Variants in FAM98B observed in about 807,000 individuals in gnomAD.
FAM98B encodes the protein tRNA-splicing ligase complex subunit FAM98B.
Under a neutral mutation model 43.9 loss-of-function variants are expected in FAM98B, and 32 were observed. That is an observed-to-expected ratio of 0.73 (90% CI 0.55 to 0.98). The LOEUF (loss-of-function observed/expected upper bound fraction) is 0.98, where lower values mean the gene tolerates loss of function less well. Among genes scored for constraint, FAM98B ranks in the 50% least tolerant of loss-of-function variants. The pLI is 0.00. For synonymous variants in FAM98B, 190 were observed against 174.0 expected (o/e 1.09, Z -0.72); for missense variants, 514 against 522.9 (o/e 0.98, Z 0.17).
At chr15:38,478,997 T>G (rs1890245789) in intron 6 of FAM98B, among the ~76,000 whole-genome samples, 1 of 152,190 alleles carries the variant, frequency 6.6e-6, no homozygotes, top group South Asian at 2.1e-4. Flanking sequence ...AGTCTTGTTG[T>G]TGCCCAGGCT....
intron 7 of FAM98B, 121 bp downstream of exon 7, chr15:38,481,580 G>A (rs753114488): frequency 6.2e-7 from 1 of 1,611,774 alleles, no homozygotes; most frequent in Admixed American, 1.7e-5. Flanking sequence ...GAGTGGCAGG[G>A]GGGTTCAGTC....
chr15:38,458,977 G>A (rs542305049), intron 1 of FAM98B: 6 of 389,702 alleles, frequency 1.5e-5, no homozygotes, highest in South Asian at 1.1e-4. Context: ...AGCAGCCCTG[G>A]TGGAACCACA....
At chr15:38,470,461 C>G in intron 4 of FAM98B, 56 bp downstream of exon 4, 14 of 1,423,166 alleles carry the variant, frequency 9.8e-6, no homozygotes, top group Non-Finnish European at 1.3e-5. Flanking sequence ...CATGTAAGTG[C>G]TATATTAAAA....
intron 6 of FAM98B, among the ~76,000 whole-genome samples, chr15:38,480,990 T>G (rs1890273733): frequency 6.6e-6 from 1 of 152,174 alleles, no homozygotes; most frequent in South Asian, 2.1e-4. Context: ...CCCTTTTAAA[T>G]GTCCTGTATG....
In FAM98B at chr15:38,454,198, G is replaced by T. The variant is rs780564732; in HGVS notation, c.37G>T (p.Glu13Ter). Reference protein sequence around the residue: ...GPEPGPQPTMEGDVLDTLEAL... With the variant: ...GPEPGPQPTM ...GGAGCCGGGTCCCCAACCGACGATG[G>T]AGGGAGACGTGCTGGACACACTGGA... Residue 13 changes from glutamate to a stop codon, truncating the protein, a stop_gained, in exon 1 of 8, where the codon GAG becomes TAG. Transcript: ENST00000397609. LOFTEE classifies it high-confidence loss of function. The T allele has an allele frequency of 1.2e-6, 2 of 1,604,338 alleles. No homozygotes were observed. The highest frequency in any genetic ancestry group is 1.7e-6 in the Non-Finnish European group (2 of 1,176,714).
At position 38,456,978 on chromosome 15, in the gene FAM98B, A is replaced by G. The variant is rs556689675; in HGVS notation, c.71+2746A>G. Among the ~76,000 whole-genome samples the G allele has an allele frequency of 2.0e-5, 3 of 152,302 alleles. No homozygotes were observed. The East Asian group carries it at 5.8e-4, about 29-fold the overall frequency. ...TTGATCATAACAGCAATGGGATGTG[A>G]TCGAATAATTTTAAATAAAAAGGGA... is the stretch of plus-strand genomic sequence containing the variant. On this transcript the variant is annotated intron_variant, in intron 1 of 7. Transcript: ENST00000397609.
chr15:38,484,750 G>A lies in FAM98B; in HGVS notation c.*91G>A. On this transcript the variant is annotated 3_prime_UTR_variant, in exon 8 of 8. Transcript: ENST00000397609. ...AACATACTTGAATATCATCTTTGAAGTAAACACCATGTTAGACTCCCTGGT... is the reference window on the plus strand; with the variant it reads ...AACATACTTGAATATCATCTTTGAAATAAACACCATGTTAGACTCCCTGGT... The A allele has an allele frequency of 6.8e-7, 1 of 1,465,428 alleles. No individual in the cohort carries two copies. The allele number at this position is 1,465,428 out of a possible 1,614,324, so 90.8% of individuals were successfully genotyped here. A position where few individuals can be genotyped will look rare whatever the true frequency, so the allele number is the denominator to read the frequency against.
At chr15:38,456,942 G>T (rs1889858477) in intron 1 of FAM98B, among the ~76,000 whole-genome samples, 1 of 152,078 alleles carries the variant, frequency 6.6e-6, no homozygotes, top group Non-Finnish European at 1.5e-5. Flanking sequence ...TCTGTGTTGT[G>T]GATTTTATTC....
chr15:38,456,566 C>G (rs917626229), intron 1 of FAM98B, among the ~76,000 whole-genome samples: 73 of 152,032 alleles, frequency 4.8e-4, no homozygotes, highest in Non-Finnish European at 1.3e-4. Flanking sequence ...AGTGGAGAAA[C>G]AGACATGATC....
At chr15:38,464,865 T>G (rs1281117108) in intron 2 of FAM98B, among the ~76,000 whole-genome samples, 1 of 152,178 alleles carries the variant, frequency 6.6e-6, no homozygotes, top group Non-Finnish European at 1.5e-5. Context: ...CCCTCCCAAG[T>G]AGTTGAAACT....
intron 4 of FAM98B, among the ~76,000 whole-genome samples, chr15:38,471,378 C>T (rs1237893327): frequency 6.6e-6 from 1 of 151,974 alleles, no homozygotes; most frequent in African/African-American, 2.4e-5. Context: ...TAACAAGTTA[C>T]TCTTCAGAAT....
intron 3 of FAM98B, among the ~76,000 whole-genome samples, chr15:38,466,094 G>A (rs944924230): frequency 1.3e-5 from 2 of 151,906 alleles, no homozygotes; most frequent in African/African-American, 4.8e-5. Context: ...TTCTATTTCA[G>A]ATCATGCCAT....
intron 6 of FAM98B, among the ~76,000 whole-genome samples, chr15:38,479,051 G>C (rs569739856): frequency 6.6e-6 from 1 of 152,022 alleles, no homozygotes; most frequent in East Asian, 1.9e-4. Flanking sequence ...CTCACTGGAG[G>C]GTCAAGTGAT....
At chr15:38,481,721 C>A in intron 7 of FAM98B, 2 of 1,059,378 alleles carry the variant, frequency 1.9e-6, no homozygotes, top group Non-Finnish European at 2.6e-6. Context: ...GAATTATGTT[C>A]CATCTTTCTA....
rs1890362046 is a variant in FAM98B, at chr15:38,485,836, GGCCAAGTAATGTATTTTTCTCTTAGTGTA to G, written c.*1179_*1207del. ...CCTATTTTGAATGCTTTAAGATGTA[GGCCAAGTAATGTATTTTTCTCTTAGTGTA>G]GAAAGTTAAGAGAAAAAGAGCTGGT... On this transcript the variant is annotated 3_prime_UTR_variant, in exon 8 of 8. Coordinates refer to ENST00000397609, the MANE Select transcript of FAM98B (RefSeq NM_173611.4). 1 of 152,014 alleles carries G rather than the reference GGCCAAGTAATGTATTTTTCTCTTAGTGTA, an allele frequency of 6.6e-6. No homozygotes were observed. Among genetic ancestry groups the G allele is most frequent in the Non-Finnish European group, 1.5e-5 (1 of 67,978 alleles). The allele number at this position is 152,014 out of a possible 1,614,324, so 9.4% of individuals were successfully genotyped here.
chr15:38,462,233 T>G (rs1214097580), intron 1 of FAM98B, among the ~76,000 whole-genome samples: 1 of 152,170 alleles, frequency 6.6e-6, no homozygotes, highest in Non-Finnish European at 1.5e-5. Context: ...ATATTTATAC[T>G]GAAAAACATG....
intron 1 of FAM98B, 150 bp from the exon 2 acceptor site, chr15:38,463,882 G>A (rs948215823): frequency 8.8e-6 from 6 of 681,392 alleles, no homozygotes; most frequent in South Asian, 3.1e-5. Flanking sequence ...GGAAACAGCC[G>A]TAGCCAATTT....
At chr15:38,465,440 C>A in intron 3 of FAM98B, 37 bp downstream of exon 3, 1 of 1,513,262 alleles carries the variant, frequency 6.6e-7, no homozygotes, top group Non-Finnish European at 8.9e-7. Context: ...ATGTGTTTGA[C>A]ATGGTTTTTA....
At position 38,483,687 on chromosome 15, in the gene FAM98B, AT is replaced by A. The variant is rs372702142; in HGVS notation, c.898-567del. Reference sequence around the variant, plus strand: ...TCTCAAAAAAAAAAAAAAAAAAAATATATATATATATATATATATATATACA... The same window carrying A: ...TCTCAAAAAAAAAAAAAAAAAAAATAATATATATATATATATATATATACA... On this transcript the variant is annotated intron_variant, in intron 7 of 7. Coordinates refer to ENST00000397609, the MANE Select transcript of FAM98B (RefSeq NM_173611.4). The A allele has an allele frequency of 1.4e-3, 95 of 69,266 alleles. 1 individual carries two copies. Among genetic ancestry groups the A allele is most frequent in the African/African-American group, 2.0e-3 (35 of 17,742 alleles). 4.3% of individuals were successfully genotyped at this position (69,266 alleles called of 1,614,324 possible).
Sources: allele counts gnomAD v4.1 joint callset (sites outside exome capture counted in the v4.1 genomes callset), GRCh38; gene constraint gnomAD v4.1.1; transcripts MANE v1.5; gene names NCBI Gene and HGNC (gene_info 2026-07-23, HGNC 2026-07-21).